Variants in TM9SF2 observed in about 807,000 individuals in gnomAD.
TM9SF2 encodes 76 kDa membrane protein.
In TM9SF2, 13 loss-of-function variants were observed where a neutral mutation model predicts 84.9. The observed-to-expected ratio is 0.15, with a 90% CI of 0.10 to 0.24. TM9SF2 has a LOEUF of 0.24. TM9SF2 is among the 10% of genes least tolerant of loss of function. The probability of loss-of-function intolerance (pLI) is 1.00; values close to 1 mark genes in which losing one functional copy is unlikely to be tolerated. For synonymous variants in TM9SF2, 273 were observed against 285.8 expected (o/e 0.96, Z 0.45); for missense variants, 562 against 818.5 (o/e 0.69, Z 3.82).
chr13:99,511,848 A>G (rs2046114816), intron 1 of TM9SF2, among the ~76,000 whole-genome samples: 1 of 152,250 alleles, frequency 6.6e-6, no homozygotes, highest in African/African-American at 2.4e-5. Flanking sequence ...ATCAGAAATA[A>G]AAAGTTACGG....
rs539636211 is a variant in TM9SF2 at position 99,517,812 on chromosome 13, G to A, written c.239+131G>A. On this transcript the variant is annotated intron_variant, in intron 2 of 16. Coordinates refer to ENST00000376387, the MANE Select transcript of TM9SF2 (RefSeq NM_004800.3). ...TTTTTAAGGTGTACTCTTCCAAGGTGTGGTTAAAAATGTGATCTTTTTTTT... is the reference window on the plus strand; with the variant it reads ...TTTTTAAGGTGTACTCTTCCAAGGTATGGTTAAAAATGTGATCTTTTTTTT... The A allele has an allele frequency of 2.1e-5, 10 of 469,534 alleles. No individual in the cohort carries two copies. In the East Asian group the frequency reaches 2.8e-4, roughly 13 times the overall value. 29.1% of individuals were successfully genotyped at this position (469,534 alleles called of 1,614,324 possible).
intron 11 of TM9SF2, among the ~76,000 whole-genome samples, chr13:99,547,864 G>A (rs1172284314): frequency 2.6e-5 from 4 of 152,162 alleles, no homozygotes; most frequent in African/African-American, 7.2e-5. Context: ...GTAGAGTTAC[G>A]TGGACAACCT....
intron 3 of TM9SF2, among the ~76,000 whole-genome samples, chr13:99,527,919 C>A (rs1280078950): frequency 6.6e-6 from 1 of 152,148 alleles, no homozygotes; most frequent in African/African-American, 2.4e-5. Context: ...TTTCCCTGGT[C>A]TCCTAACAAG....
intron 16 of TM9SF2, among the ~76,000 whole-genome samples, chr13:99,560,426 G>A (rs188505525): frequency 1.3e-3 from 201 of 152,184 alleles, no homozygotes; most frequent in Middle Eastern, 3.4e-3. Context: ...GGTGGGGTGC[G>A]TGTCTTGGTG....
At position 99,529,604 on chromosome 13, in the gene TM9SF2, G is replaced by A. The variant is rs1314654298; in HGVS notation, c.461+10G>A. The A allele has an allele frequency of 3.3e-6, 5 of 1,535,792 alleles. No homozygotes were observed. The highest frequency in any genetic ancestry group is 1.8e-4 in the Middle Eastern group (1 of 5,680). ...ATTATCAACATCACTGGTAAGGCAT[G>A]AATATTTTCGATTTTGGGGTTTATC... On this transcript the variant is annotated intron_variant, in intron 4 of 16. Coordinates refer to ENST00000376387, the MANE Select transcript of TM9SF2 (RefSeq NM_004800.3).
At chr13:99,506,435 T>C (rs1470235632) in intron 1 of TM9SF2, among the ~76,000 whole-genome samples, 1 of 152,246 alleles carries the variant, frequency 6.6e-6, no homozygotes, top group Non-Finnish European at 1.5e-5. Context: ...CTTTCAAATC[T>C]GAAATCTGGC....
chr13:99,533,827 C>T (rs576171607), intron 4 of TM9SF2, among the ~76,000 whole-genome samples: 10 of 152,180 alleles, frequency 6.6e-5, no homozygotes, highest in East Asian at 1.9e-4. Context: ...CCCGCCACCA[C>T]GCCTGGCTAA....
intron 1 of TM9SF2, among the ~76,000 whole-genome samples, chr13:99,504,268 A>G (rs573981645): frequency 1.3e-5 from 2 of 152,198 alleles, no homozygotes; most frequent in Non-Finnish European, 2.9e-5. Context: ...TAGAAATGAG[A>G]GTTGTGAAAT....
At chr13:99,549,660 A>C (rs2046297585) in intron 12 of TM9SF2, among the ~76,000 whole-genome samples, 1 of 152,222 alleles carries the variant, frequency 6.6e-6, no homozygotes, top group African/African-American at 2.4e-5. Flanking sequence ...ATAAAAAATA[A>C]GCAGCCACCA....
intron 3 of TM9SF2, among the ~76,000 whole-genome samples, chr13:99,528,139 A>G (rs1317625270): frequency 6.6e-6 from 1 of 152,244 alleles, no homozygotes; most frequent in Non-Finnish European, 1.5e-5. Context: ...AATCCTTAGC[A>G]AAACATAAAT....
intron 15 of TM9SF2, among the ~76,000 whole-genome samples, chr13:99,558,674 A>G (rs1158069854): frequency 6.6e-6 from 1 of 151,712 alleles, no homozygotes; most frequent in Non-Finnish European, 1.5e-5. Context: ...TTGTATGTTG[A>G]TCTTATACCC....
chr13:99,527,540 T>C (rs187815862), intron 3 of TM9SF2, among the ~76,000 whole-genome samples: 15 of 151,994 alleles, frequency 9.9e-5, no homozygotes, highest in African/African-American at 3.1e-4. Context: ...TCCCACGAGG[T>C]CCCTCCCCCA....
chr13:99,534,568 A>G (rs1038018334), intron 4 of TM9SF2, among the ~76,000 whole-genome samples: 1 of 152,224 alleles, frequency 6.6e-6, no homozygotes, highest in East Asian at 1.9e-4. Context: ...TTGTGACAAT[A>G]TGGGTTATTC....
chr13:99,504,346 A>T (rs1474546718), intron 1 of TM9SF2, among the ~76,000 whole-genome samples: 2 of 152,216 alleles, frequency 1.3e-5, no homozygotes. Flanking sequence ...TGGGCAGGTC[A>T]TTGATACTGT....
intron 3 of TM9SF2, among the ~76,000 whole-genome samples, chr13:99,521,289 A>T: frequency 6.6e-6 from 1 of 152,210 alleles, no homozygotes. Flanking sequence ...TTGTTTTAAC[A>T]TACTATATGC....
At chr13:99,554,774 T>C (rs932282347) in intron 14 of TM9SF2, among the ~76,000 whole-genome samples, 6 of 152,240 alleles carry the variant, frequency 3.9e-5, no homozygotes, top group Non-Finnish European at 8.8e-5. Flanking sequence ...AGTAATTTGC[T>C]TGTGTTACAC....
chr13:99,515,191 C>T (rs1229607022), intron 1 of TM9SF2, among the ~76,000 whole-genome samples: 2 of 152,228 alleles, frequency 1.3e-5, no homozygotes, highest in Non-Finnish European at 2.9e-5. Context: ...ATAATAGCTG[C>T]ATTCCTTCCT....
intron 10 of TM9SF2, among the ~76,000 whole-genome samples, chr13:99,546,444 A>G (rs1308054267): frequency 6.6e-6 from 1 of 152,170 alleles, no homozygotes; most frequent in Non-Finnish European, 1.5e-5. Flanking sequence ...GTTTCCCCGT[A>G]TTGCTGACAA....
intron 3 of TM9SF2, among the ~76,000 whole-genome samples, chr13:99,523,389 A>C (rs1461506977): frequency 6.6e-6 from 1 of 152,122 alleles, no homozygotes; most frequent in Non-Finnish European, 1.5e-5. Context: ...GGGCTCAAGC[A>C]ATCCTCCTGC....
Sources: allele counts gnomAD v4.1 joint callset (sites outside exome capture counted in the v4.1 genomes callset), GRCh38; gene constraint gnomAD v4.1.1; transcripts MANE v1.5; gene names NCBI Gene and HGNC (gene_info 2026-07-23, HGNC 2026-07-21).